Variants in MED13L observed in about 807,000 individuals in gnomAD.
MED13L encodes the protein mediator complex subunit 13L.
A neutral mutation model predicts 220.9 loss-of-function variants in MED13L; 7 were observed. The ratio of observed to expected loss-of-function variants is 0.03; its 90% CI spans 0.02 to 0.06. MED13L has a LOEUF of 0.06. Ranked by LOEUF, MED13L falls within the 10% of genes least tolerant of loss-of-function variation. The pLI, the probability that MED13L is intolerant of heterozygous loss-of-function variation, is 1.00. For synonymous variants in MED13L, 1,011 were observed against 1,015.2 expected (o/e 1.00, Z 0.08); for missense variants, 1,965 against 2,760.5 (o/e 0.71, Z 6.46).
intron 28 of MED13L, 59 bp downstream of exon 28, chr12:115,968,881 T>C: frequency 6.3e-7 from 1 of 1,588,236 alleles, no homozygotes; most frequent in South Asian, 1.1e-5. Context: ...AGATGTCCAG[T>C]GGATTATCTT....
intron 2 of MED13L, among the ~76,000 whole-genome samples, chr12:116,196,540 CTAGAATAG>C (rs1881638186): frequency 6.6e-6 from 1 of 152,082 alleles, no homozygotes; most frequent in South Asian, 2.1e-4. Context: ...TAGAAGAGTA[CTAGAATAG>C]TAGATTACAG....
At chr12:116,177,925 G>A (rs1425719469) in intron 2 of MED13L, among the ~76,000 whole-genome samples, 2 of 152,042 alleles carry the variant, frequency 1.3e-5, no homozygotes, top group African/African-American at 2.4e-5. Flanking sequence ...GCACAATCAC[G>A]GCTCACTGCA....
At chr12:116,089,728 T>C (rs779644548) in intron 4 of MED13L, among the ~76,000 whole-genome samples, 2 of 152,162 alleles carry the variant, frequency 1.3e-5, no homozygotes, top group African/African-American at 4.8e-5. Flanking sequence ...TGAAAAAATA[T>C]AGTAATAGCA....
chr12:116,115,666 C>T (rs1203519103), intron 2 of MED13L, among the ~76,000 whole-genome samples: 1 of 149,520 alleles, frequency 6.7e-6, no homozygotes, highest in Non-Finnish European at 1.5e-5. Context: ...AACTTAACTA[C>T]CAAAAAAAAA....
At chr12:116,159,412 T>C (rs1878689525) in intron 2 of MED13L, among the ~76,000 whole-genome samples, 1 of 152,200 alleles carries the variant, frequency 6.6e-6, no homozygotes, top group Non-Finnish European at 1.5e-5. Flanking sequence ...TTGAACACTA[T>C]TTTTTATCTA....
chr12:116,167,734 CTTTCTTCACCTAGA>C (rs1190277368), intron 2 of MED13L, among the ~76,000 whole-genome samples: 5 of 152,162 alleles, frequency 3.3e-5, no homozygotes, highest in Non-Finnish European at 7.4e-5. Flanking sequence ...CCAGTGTAGT[CTTTCTTCACCTAGA>C]TTTTTATTTT....
chr12:116,083,906 T>C (rs542004004), intron 4 of MED13L, among the ~76,000 whole-genome samples: 205 of 152,248 alleles, frequency 1.3e-3, no homozygotes, highest in Middle Eastern at 3.4e-3. Context: ...TCAAAGGAGA[T>C]CAAATATACA....
chr12:116,058,172 G>A (rs1040876556), intron 4 of MED13L, among the ~76,000 whole-genome samples: 1 of 152,118 alleles, frequency 6.6e-6, no homozygotes, highest in African/African-American at 2.4e-5. Context: ...AACTTACAGT[G>A]AAAAGTGACC....
At chr12:116,111,565 A>G in intron 2 of MED13L, 53 bp from the exon 3 acceptor site, 1 of 1,374,252 alleles carries the variant, frequency 7.3e-7, no homozygotes. Flanking sequence ...AGGACATCCA[A>G]ATAAAAAGAA....
At chr12:115,965,604 G>T (rs1331792315) in intron 29 of MED13L, among the ~76,000 whole-genome samples, 2 of 152,092 alleles carry the variant, frequency 1.3e-5, no homozygotes, top group Non-Finnish European at 2.9e-5. Context: ...CTTAAAATTG[G>T]GATTAAAAGG....
chr12:116,023,242 A>G (rs1043032698), intron 4 of MED13L, among the ~76,000 whole-genome samples: 9 of 152,128 alleles, frequency 5.9e-5, no homozygotes, highest in Admixed American at 5.2e-4. Context: ...GTTGCAGTGA[A>G]CTGTGATCAA....
intron 2 of MED13L, among the ~76,000 whole-genome samples, chr12:116,140,418 T>C (rs76484405): frequency 6.6e-6 from 1 of 152,202 alleles, no homozygotes; most frequent in East Asian, 1.9e-4. Flanking sequence ...TTACTGTTTG[T>C]TCTAGCAGTA....
At chr12:116,014,627 A>G (rs1019738655) in intron 8 of MED13L, among the ~76,000 whole-genome samples, 3 of 152,206 alleles carry the variant, frequency 2.0e-5, no homozygotes, top group African/African-American at 7.2e-5. Flanking sequence ...ATCAACAAAC[A>G]GGAGCACGGC....
chr12:116,113,014 C>T (rs1467411309), intron 2 of MED13L, among the ~76,000 whole-genome samples: 1 of 152,164 alleles, frequency 6.6e-6, no homozygotes, highest in Non-Finnish European at 1.5e-5. Context: ...TTTTACCTTC[C>T]AATTATTCAA....
intron 2 of MED13L, among the ~76,000 whole-genome samples, chr12:116,230,232 T>A (rs1222754861): frequency 6.6e-6 from 1 of 151,432 alleles, no homozygotes; most frequent in Non-Finnish European, 1.5e-5. Context: ...GCAGCCCTAC[T>A]CAAAAAAAAT....
At chr12:115,995,531 C>T (rs1878344063) in intron 16 of MED13L, among the ~76,000 whole-genome samples, 1 of 152,130 alleles carries the variant, frequency 6.6e-6, no homozygotes, top group Non-Finnish European at 1.5e-5. Flanking sequence ...TCAAGTGATT[C>T]TCCTGCCTCA....
At chr12:116,115,862 C>T (rs1874469778) in intron 2 of MED13L, among the ~76,000 whole-genome samples, 1 of 152,104 alleles carries the variant, frequency 6.6e-6, no homozygotes, top group African/African-American at 2.4e-5. Flanking sequence ...ATTCTACGTG[C>T]TGATTAACAT....
Position 116,031,740 on chromosome 12 carries a change from GAAAAGAAAAGAAAAGA to G in MED13L, c.480-9155_480-9140del, listed in dbSNP as rs1377458462. Among the ~76,000 whole-genome samples, 84 of 60,856 alleles carry G rather than the reference GAAAAGAAAAGAAAAGA, an allele frequency of 1.4e-3. 1 individual carries two copies. The highest frequency in any genetic ancestry group is 2.3e-3 in the African/African-American group (25 of 10,856). The allele number at this position is 60,856 out of a possible 152,430, so 39.9% of individuals were successfully genotyped here. On this transcript the variant is annotated intron_variant, in intron 4 of 30. Coordinates refer to ENST00000281928, the MANE Select transcript of MED13L (RefSeq NM_015335.5). ...GAAAAGAAAAGAAAAGAAAAGAAAAGAAAAGAAAAGAAAAGAAAAGAAGGAAGGAAGGAAGGAAGGA... is the reference window on the plus strand; with the variant it reads ...GAAAAGAAAAGAAAAGAAAAGAAAAGAAAGAAGGAAGGAAGGAAGGAAGGA...
chr12:115,978,719 C>T (rs1046075758), intron 23 of MED13L, among the ~76,000 whole-genome samples: 1 of 152,090 alleles, frequency 6.6e-6, no homozygotes, highest in African/African-American at 2.4e-5. Flanking sequence ...GCTGAGTTTG[C>T]CTGGAGTTTT....
Sources: allele counts gnomAD v4.1 joint callset (sites outside exome capture counted in the v4.1 genomes callset), GRCh38; gene constraint gnomAD v4.1.1; transcripts MANE v1.5; gene names NCBI Gene and HGNC (gene_info 2026-07-23, HGNC 2026-07-21).